Variants in PEAK1 observed in about 807,000 individuals in gnomAD.
PEAK1 encodes inactive tyrosine-protein kinase PEAK1.
Under a neutral mutation model 124.7 loss-of-function variants are expected in PEAK1, and 54 were observed. That is an observed-to-expected ratio of 0.43 (90% CI 0.35 to 0.54). The LOEUF (loss-of-function observed/expected upper bound fraction) is 0.54, where lower values mean the gene tolerates loss of function less well. Ranked by LOEUF, PEAK1 falls within the 20% of genes least tolerant of loss-of-function variation. The pLI is 0.01. For missense variants in PEAK1, 2,046 were observed against 2,134.5 expected (o/e 0.96, Z 0.82); for synonymous variants, 719 against 760.0 (o/e 0.95, Z 0.89).
chr15:77,143,178 AC>A lies in PEAK1; in HGVS notation c.3332-9429del, dbSNP rs751254984. 2.6e-5 allele frequency among the ~76,000 whole-genome samples: 4 copies of A among 152,184 alleles called. No homozygotes were observed. The South Asian group carries it at 6.2e-4, about 24-fold the overall frequency. On this transcript the variant is annotated intron_variant, in intron 8 of 9. Transcript: ENST00000682557. ...CCTATTTTCTCTTGGCTAATGTGAG[AC>A]GTCAGACCATGGTTTATTTACAAGA...
intron 9 of PEAK1, among the ~76,000 whole-genome samples, chr15:77,128,050 G>A (rs1160617540): frequency 6.6e-6 from 1 of 150,844 alleles, no homozygotes; most frequent in Non-Finnish European, 1.5e-5. Context: ...CTGCACTCCA[G>A]CCTGGGTGAC....
At chr15:77,357,749 C>T (rs188315035) in intron 2 of PEAK1, among the ~76,000 whole-genome samples, 3 of 152,254 alleles carry the variant, frequency 2.0e-5, no homozygotes, top group East Asian at 1.9e-4. Flanking sequence ...TAATTTTGTA[C>T]ATTTGCACTA....
intron 5 of PEAK1, among the ~76,000 whole-genome samples, chr15:77,264,798 T>C (rs968988497): frequency 3.3e-5 from 5 of 151,876 alleles, no homozygotes; most frequent in Non-Finnish European, 7.4e-5. Context: ...CATCGCCAAG[T>C]CAATCCTAAG....
Position 77,114,598 on chromosome 15 carries a change from TA to T in PEAK1, c.4798del (p.Tyr1600MetfsTer16). ...CDEFQTGILI[Y>X]EMLHLPNPFD... ...GGGGTTGGGTAGGTGCAGCATCTCA[TA>T]GATGAGGATGCCTGTCTGGAACTCA... On this transcript the variant is annotated frameshift_variant, in exon 10 of 10. Transcript: ENST00000682557. LOFTEE classifies it high-confidence loss of function. The T allele has an allele frequency of 6.2e-7, 1 of 1,614,008 alleles. No individual in the cohort carries two copies. Among genetic ancestry groups the T allele is most frequent in the Non-Finnish European group, 8.5e-7 (1 of 1,179,994 alleles).
chr15:77,319,355 T>G (rs923888622), intron 2 of PEAK1, among the ~76,000 whole-genome samples: 9 of 152,110 alleles, frequency 5.9e-5, no homozygotes, highest in African/African-American at 2.2e-4. Flanking sequence ...AGCAAAATTG[T>G]TGAAGAAAAT....
At chr15:77,248,752 C>G (rs906098655) in intron 6 of PEAK1, among the ~76,000 whole-genome samples, 1 of 152,170 alleles carries the variant, frequency 6.6e-6, no homozygotes, top group Non-Finnish European at 1.5e-5. Context: ...AAAAGTGAAT[C>G]TCAATGTTTC....
intron 7 of PEAK1, among the ~76,000 whole-genome samples, chr15:77,172,137 A>G (rs935359143): frequency 5.9e-5 from 9 of 152,220 alleles, no homozygotes; most frequent in Non-Finnish European, 1.2e-4. Flanking sequence ...ATCTGAAACC[A>G]TATCAATAAA....
intron 2 of PEAK1, among the ~76,000 whole-genome samples, chr15:77,328,601 G>T (rs1025925057): frequency 2.6e-5 from 4 of 152,138 alleles, no homozygotes; most frequent in Admixed American, 6.5e-5. Context: ...AATCCATAAT[G>T]TAGTCTGATT....
At chr15:77,352,078 G>A in intron 2 of PEAK1, 1 of 830,974 alleles carries the variant, frequency 1.2e-6, no homozygotes, top group Non-Finnish European at 1.5e-6. Flanking sequence ...AAATTGGCCA[G>A]GCATGGTGAT....
At chr15:77,327,775 G>A (rs1184496089) in intron 2 of PEAK1, among the ~76,000 whole-genome samples, 1 of 151,658 alleles carries the variant, frequency 6.6e-6, no homozygotes, top group Non-Finnish European at 1.5e-5. Flanking sequence ...TACAAATACT[G>A]TATAAGGGGG....
intron 2 of PEAK1, among the ~76,000 whole-genome samples, chr15:77,358,747 G>A (rs1407738728): frequency 1.3e-5 from 2 of 152,224 alleles, no homozygotes; most frequent in South Asian, 2.1e-4. Flanking sequence ...ATGGGGAAGC[G>A]AGAGAGCACT....
At chr15:77,281,225 G>C (rs16968742) in intron 5 of PEAK1, among the ~76,000 whole-genome samples, 3 of 152,216 alleles carry the variant, frequency 2.0e-5, no homozygotes, top group South Asian at 4.1e-4. Context: ...CTGTAAAAAA[G>C]TATGTGAACT....
intron 7 of PEAK1, among the ~76,000 whole-genome samples, chr15:77,172,749 T>A (rs1425277154): frequency 2.6e-5 from 4 of 152,096 alleles, no homozygotes; most frequent in African/African-American, 9.7e-5. Context: ...GAGATTTAAT[T>A]TACTTCATCA....
chr15:77,384,560 A>G (rs2069764537), intron 1 of PEAK1, among the ~76,000 whole-genome samples: 1 of 152,204 alleles, frequency 6.6e-6, no homozygotes, highest in African/African-American at 2.4e-5. Flanking sequence ...ATACATTAAG[A>G]GCAAAATTAT....
In PEAK1 at chr15:77,113,863, A is replaced by C. The variant is rs955389161; in HGVS notation, c.*293T>G. On this transcript the variant is annotated 3_prime_UTR_variant, in exon 10 of 10. Transcript: ENST00000682557. Reference sequence around the variant, plus strand: ...ATACCAAAGAAGCTGTCCCTTCAAGAATATGGATTTTCATTTTTACCTGCA... The same window carrying C: ...ATACCAAAGAAGCTGTCCCTTCAAGCATATGGATTTTCATTTTTACCTGCA... 5.1e-6 allele frequency: 2 copies of C among 392,404 alleles called. No individual in the cohort carries two copies. The highest frequency in any genetic ancestry group is 9.2e-6 in the Non-Finnish European group (2 of 217,224). The allele number at this position is 392,404 out of a possible 1,614,324, so 24.3% of individuals were successfully genotyped here. A position where few individuals can be genotyped will look rare whatever the true frequency, so the allele number is the denominator to read the frequency against.
At chr15:77,171,615 C>T (rs2056512653) in intron 7 of PEAK1, among the ~76,000 whole-genome samples, 2 of 152,140 alleles carry the variant, frequency 1.3e-5, no homozygotes, top group Admixed American at 6.5e-5. Context: ...TGTTCTATGG[C>T]ACTGTAGGAT....
intron 1 of PEAK1, among the ~76,000 whole-genome samples, chr15:77,408,064 CACATATAT>C (rs950325257): frequency 7.8e-5 from 10 of 127,470 alleles, no homozygotes; most frequent in South Asian, 2.3e-4. Flanking sequence ...TGCATAGATA[CACATATAT>C]ACATATATAC....
intron 6 of PEAK1, among the ~76,000 whole-genome samples, chr15:77,184,607 G>C (rs1180740452): frequency 6.6e-6 from 1 of 152,186 alleles, no homozygotes; most frequent in Admixed American, 6.5e-5. Flanking sequence ...TCACAGAACC[G>C]GCAGGTAGGC....
intron 2 of PEAK1, among the ~76,000 whole-genome samples, chr15:77,320,931 C>T (rs996103338): frequency 2.0e-5 from 3 of 151,942 alleles, no homozygotes; most frequent in African/African-American, 7.2e-5. Flanking sequence ...GTCCTTGCGA[C>T]ACTTTGCTGA....
Sources: allele counts gnomAD v4.1 joint callset (sites outside exome capture counted in the v4.1 genomes callset), GRCh38; gene constraint gnomAD v4.1.1; transcripts MANE v1.5; gene names NCBI Gene and HGNC (gene_info 2026-07-23, HGNC 2026-07-21).